Variants in ITIH5 observed in about 807,000 individuals in gnomAD.
The protein encoded by ITIH5 is inter-alpha-trypsin inhibitor heavy chain 5, also known as inter-alpha-trypsin inhibitor heavy chain H5.
ITIH5 carries 65 observed loss-of-function variants against 77.5 expected under a neutral mutation model. The observed-to-expected ratio is 0.84, with a 90% CI of 0.69 to 1.03. The LOEUF (loss-of-function observed/expected upper bound fraction) is 1.03. ITIH5 is among the 50% of genes least tolerant of loss of function. ITIH5 has a pLI of 0.00. For missense variants in ITIH5, 1,208 were observed against 1,213.1 expected (o/e 1.00, Z 0.06); for synonymous variants, 525 against 494.3 (o/e 1.06, Z -0.82).
At chr10:7,581,545 C>G (rs937602539) in intron 8 of ITIH5, among the ~76,000 whole-genome samples, 1 of 151,922 alleles carries the variant, frequency 6.6e-6, no homozygotes, top group African/African-American at 2.4e-5. Context: ...AGAACATGAG[C>G]AGGCTTCTGG....
chr10:7,592,429 A>G lies in ITIH5; in HGVS notation c.940-6360T>C, dbSNP rs569264591. On this transcript the variant is annotated intron_variant, in intron 7 of 13. Transcript: ENST00000397146. ...TTAAACAAATAAGACAGCGACAGAG[A>G]AGAACAGAGATAGAGGAGACAGAGA... Among the ~76,000 whole-genome samples the G allele has an allele frequency of 1.5e-3, 222 of 152,230 alleles. 1 individual carries two copies. Among genetic ancestry groups the G allele is most frequent in the African/African-American group, 5.1e-3 (213 of 41,558 alleles).
In ITIH5 at chr10:7,608,331, G is replaced by C. The variant is rs574899015; in HGVS notation, c.939+7651C>G. 2.6e-5 allele frequency among the ~76,000 whole-genome samples: 4 copies of C among 152,330 alleles called. No homozygotes were observed. In the East Asian group the frequency reaches 7.7e-4, roughly 29 times the overall value. ...GTCTGGCTCTGTTGCCCAGGCTGGA[G>C]TGCAATGGCGCCATCATAGCTCACT... is the stretch of plus-strand genomic sequence containing the variant. On this transcript the variant is annotated intron_variant, in intron 7 of 13. Transcript: ENST00000397146.
chr10:7,642,338 A>T (rs1833903711), intron 2 of ITIH5, among the ~76,000 whole-genome samples: 1 of 152,206 alleles, frequency 6.6e-6, no homozygotes, highest in Non-Finnish European at 1.5e-5. Context: ...ACCTGACTTT[A>T]ACAAGTGAAC....
chr10:7,633,954 T>C (rs988549306), intron 5 of ITIH5, among the ~76,000 whole-genome samples: 2 of 150,610 alleles, frequency 1.3e-5, no homozygotes, highest in Admixed American at 1.3e-4. Flanking sequence ...CCAGGCGTGG[T>C]GGTGGGCGCC....
At chr10:7,567,231 C>T (rs1263832762) in intron 12 of ITIH5, among the ~76,000 whole-genome samples, 1 of 151,908 alleles carries the variant, frequency 6.6e-6, no homozygotes, top group Admixed American at 6.6e-5. Flanking sequence ...GGTTTCCTTC[C>T]AGTGTGGCTG....
At chr10:7,629,323 ATGTTGTAGCG>A (rs1833667728) in intron 5 of ITIH5, among the ~76,000 whole-genome samples, 1 of 61,952 alleles carries the variant, frequency 1.6e-5, no homozygotes, top group African/African-American at 7.6e-5. Flanking sequence ...GCGTGTGCCC[ATGTTGTAGCG>A]TGTGCCCATG....
At chr10:7,614,783 G>A (rs1057044353) in intron 7 of ITIH5, among the ~76,000 whole-genome samples, 1 of 152,152 alleles carries the variant, frequency 6.6e-6, no homozygotes, top group African/African-American at 2.4e-5. Flanking sequence ...CATTTATAAA[G>A]TAGTAGATTG....
chr10:7,563,921 C>T (rs557608961), intron 13 of ITIH5, among the ~76,000 whole-genome samples: 15 of 152,270 alleles, frequency 9.9e-5, no homozygotes, highest in African/African-American at 4.8e-5. Flanking sequence ...CCAGGCCCCA[C>T]GAAACGCGGC....
At chr10:7,642,290 T>G (rs928490732) in intron 2 of ITIH5, among the ~76,000 whole-genome samples, 200 bp from the exon 3 acceptor site, 1 of 152,194 alleles carries the variant, frequency 6.6e-6, no homozygotes, top group Non-Finnish European at 1.5e-5. Context: ...CTTGGTTGTT[T>G]TGCATAAACA....
chr10:7,591,112 G>A (rs925947930), intron 7 of ITIH5, among the ~76,000 whole-genome samples: 3 of 152,150 alleles, frequency 2.0e-5, no homozygotes, highest in African/African-American at 4.8e-5. Flanking sequence ...GGCCAGGATG[G>A]TCTCAATCTC....
In ITIH5 at chr10:7,644,594, TCATACATATCA is replaced by T. The variant is rs1564277653; in HGVS notation, c.136-2515_136-2505del. Among the ~76,000 whole-genome samples, 36 of 134,736 alleles carry T rather than the reference TCATACATATCA, an allele frequency of 2.7e-4. 1 individual carries two copies. Among genetic ancestry groups the T allele is most frequent in the Admixed American group, 5.4e-4 (7 of 12,928 alleles). The allele number at this position is 134,736 out of a possible 152,430, so 88.4% of individuals were successfully genotyped here. A position where few individuals can be genotyped will look rare whatever the true frequency, so the allele number is the denominator to read the frequency against. On this transcript the variant is annotated intron_variant, in intron 2 of 13. Transcript: ENST00000397146. Reference sequence around the variant, plus strand: ...ATATATCACATATATCACATATATATCATACATATCACATATATCACATATATATCACATAT... The same window carrying T: ...ATATATCACATATATCACATATATATCATATATCACATATATATCACATAT...
chr10:7,615,984 GC>G lies in ITIH5; in HGVS notation c.936del (p.Gln313ArgfsTer35). The G allele has an allele frequency of 1.9e-6, 3 of 1,578,290 alleles. No individual in the cohort carries two copies. The highest frequency in any genetic ancestry group is 2.6e-6 in the Non-Finnish European group (3 of 1,147,508). On this transcript the variant is annotated frameshift_variant, in exon 7 of 14. Transcript: ENST00000397146. LOFTEE classifies it high-confidence loss of function. ...SSASMVGTKLRQTKDALFTIL... is the reference protein window; with the variant it reads ...SSASMVGTKLXQTKDALFTIL... ...ATGGGCGGTTGGCACTCACTCACCT[GC>G]CGGAGTTTGGTTCCCACCATAGAAG...
chr10:7,657,479 A>C (rs965415901), intron 1 of ITIH5, among the ~76,000 whole-genome samples: 1 of 152,222 alleles, frequency 6.6e-6, no homozygotes, highest in Non-Finnish European at 1.5e-5. Context: ...GATAGAAAAA[A>C]AAAATGAACA....
rs1833816037 is a variant in ITIH5, at chr10:7,637,320, A to G, written c.560T>C (p.Val187Ala). The change falls in exon 5 of 14, where the codon GTG (valine) becomes GCG (alanine). Residue 187 changes from valine to alanine, a missense_variant. Val to Ala is a moderately conservative substitution (Grantham distance 64). Transcript: ENST00000397146. The part of the protein sequence containing the change: ...RPQQLSGRLS[V>A]DVNILESAGI... The stretch of plus-strand genomic sequence containing the variant: ...CGCGCTCTCCAGGATATTCACGTCC[A>G]CGCTCAGCCTCCCGGACAGCTGCTG... The G allele has an allele frequency of 6.2e-7, 1 of 1,613,842 alleles. No individual in the cohort carries two copies. The highest frequency in any genetic ancestry group is 1.3e-5 in the African/African-American group (1 of 74,926).
At chr10:7,600,658 A>G (rs1832995925) in intron 7 of ITIH5, 1 of 449,556 alleles carries the variant, frequency 2.2e-6, no homozygotes, top group South Asian at 1.6e-5. Flanking sequence ...GGCAAAGCCT[A>G]GGGGTACACA....
chr10:7,656,746 CTTTTTTTT>C (rs34745417), intron 1 of ITIH5, among the ~76,000 whole-genome samples: 1 of 112,856 alleles, frequency 8.9e-6, no homozygotes, highest in Non-Finnish European at 1.8e-5. Context: ...GTCTATTTTT[CTTTTTTTT>C]TTTTTTTTTG....
At chr10:7,588,831 G>A (rs758041644) in intron 7 of ITIH5, among the ~76,000 whole-genome samples, 3 of 152,188 alleles carry the variant, frequency 2.0e-5, no homozygotes, top group African/African-American at 4.8e-5. Context: ...TAAATCTTAC[G>A]AGCCACCTGA....
In ITIH5 at chr10:7,579,854, T is replaced by C. The variant is rs780833635; in HGVS notation, c.1319A>G (p.Asn440Ser). The C allele has an allele frequency of 9.3e-6, 15 of 1,614,220 alleles. No individual in the cohort carries two copies. Among genetic ancestry groups the C allele is most frequent in the East Asian group, 8.9e-5 (4 of 44,870 alleles). ...QVCIFTIGIG[N>S]DVDFRLLEKL... is the part of the protein sequence containing the mutation. ...CTCCAGCAGCCTGAAGTCCACGTCG[T>C]TGCCGATGCCAATGGTGAAGATGCA... is the stretch of plus-strand genomic sequence containing the variant. The change falls in exon 9 of 14, where the codon AAC becomes AGC. Residue 440 changes from asparagine (N) to serine (S), a missense_variant. Transcript: ENST00000397146.
chr10:7,593,227 G>A (rs116466178), intron 7 of ITIH5, among the ~76,000 whole-genome samples: 1,741 of 152,088 alleles, frequency 0.011, 38 homozygotes, highest in African/African-American at 0.039. Flanking sequence ...TTGTCCTTGC[G>A]TGCACCAGGG....
Sources: gnomAD v4.1 joint callset for allele counts (sites outside exome capture counted in the v4.1 genomes callset) on GRCh38, gnomAD v4.1.1 for gene constraint, MANE v1.5 for transcripts, NCBI Gene and HGNC (gene_info 2026-07-23, HGNC 2026-07-21) for gene names.